CFAP299: variants seen among roughly 807,000 people sequenced by gnomAD.
CFAP299 encodes cilia- and flagella-associated protein 299.
In CFAP299, 21 loss-of-function variants were observed where a neutral mutation model predicts 27.0. That is an observed-to-expected ratio of 0.78 (90% CI 0.55 to 1.12). CFAP299 has a LOEUF of 1.12. CFAP299 is among the 50% of genes most tolerant of loss of function. The pLI, the probability that CFAP299 is intolerant of heterozygous loss-of-function variation, is 0.00. For missense variants in CFAP299, 310 were observed against 276.6 expected (o/e 1.12, Z -0.86); for synonymous variants, 104 against 98.1 (o/e 1.06, Z -0.36).
At chr4:80,957,161 C>A (rs966311555) in intron 5 of CFAP299, among the ~76,000 whole-genome samples, 3 of 152,066 alleles carry the variant, frequency 2.0e-5, no homozygotes, top group African/African-American at 4.8e-5. Flanking sequence ...TTTTCAGTAA[C>A]TTTTTACTGT....
At chr4:80,711,599 G>A (rs79165159) in intron 3 of CFAP299, among the ~76,000 whole-genome samples, 10,475 of 152,156 alleles carry the variant, frequency 0.069, 810 homozygotes, top group African/African-American at 0.18. Context: ...GCTGAGGGAT[G>A]TTGAGTGACT....
intron 3 of CFAP299, among the ~76,000 whole-genome samples, chr4:80,609,153 C>T (rs1411770404): frequency 6.6e-6 from 1 of 151,880 alleles, no homozygotes; most frequent in African/African-American, 2.4e-5. Context: ...TGAGTACTTT[C>T]CTGTGTTCAG....
intron 3 of CFAP299, among the ~76,000 whole-genome samples, chr4:80,860,981 A>AAG (rs1732303209): frequency 6.6e-6 from 1 of 152,194 alleles, no homozygotes; most frequent in African/African-American, 2.4e-5. Flanking sequence ...GGTTACTGCT[A>AAG]TCTTTTTGTT....
chr4:80,408,587 A>C (rs1315816414), intron 2 of CFAP299, among the ~76,000 whole-genome samples: 1 of 151,978 alleles, frequency 6.6e-6, no homozygotes, highest in African/African-American at 2.4e-5. Flanking sequence ...TGTTTTATTT[A>C]AGGTGCCTTT....
At chr4:80,785,350 A>G (rs755904926) in intron 3 of CFAP299, among the ~76,000 whole-genome samples, 1 of 152,092 alleles carries the variant, frequency 6.6e-6, no homozygotes, top group South Asian at 2.1e-4. Context: ...GCCCTTACCA[A>G]TGGTATTTCA....
chr4:80,323,553 G>A, the CFAP299 span, among the ~76,000 whole-genome samples: 3 of 152,062 alleles, frequency 2.0e-5, no homozygotes, highest in African/African-American at 7.2e-5. Context: ...ATTTCTGTTA[G>A]TATCCAAAGA....
chr4:80,811,640 T>C (rs780221735), intron 3 of CFAP299, among the ~76,000 whole-genome samples: 1 of 152,120 alleles, frequency 6.6e-6, no homozygotes, highest in Non-Finnish European at 1.5e-5. Context: ...ATCCTACCAC[T>C]ACCTGGTCAG....
intron 1 of CFAP299, among the ~76,000 whole-genome samples, chr4:80,343,821 AAG>A (rs2109973515): frequency 6.6e-6 from 1 of 150,528 alleles, no homozygotes; most frequent in African/African-American, 2.4e-5. Context: ...AAAAAAAAAA[AAG>A]AACTCAAGAC....
At chr4:80,758,330 T>C (rs1277609572) in intron 3 of CFAP299, among the ~76,000 whole-genome samples, 1 of 152,164 alleles carries the variant, frequency 6.6e-6, no homozygotes, top group Non-Finnish European at 1.5e-5. Flanking sequence ...AAGCTATGCC[T>C]TCAAGCTGTC....
Position 80,335,785 on chromosome 4 carries a change from G to C in CFAP299, c.17G>C (p.Gly6Ala). 6.2e-7 allele frequency: 1 copy of C among 1,612,428 alleles called. No individual in the cohort carries two copies. Among genetic ancestry groups the C allele is most frequent in the Non-Finnish European group, 8.5e-7 (1 of 1,178,452 alleles). Reference protein sequence around the residue: MDQEEGLKALDNIVTQ... With the variant: MDQEEALKALDNIVTQ... ...GATACCGCAATGGATCAGGAAGAGG[G>C]GCTGAAGGCCTTGGACAATATTGTC... The change falls in exon 1 of 6, where the codon GGG becomes GCG. Residue 6 changes from glycine to alanine, a missense_variant. Coordinates refer to ENST00000358105, the MANE Select transcript of CFAP299 (RefSeq NM_152770.3).
intron 2 of CFAP299, among the ~76,000 whole-genome samples, chr4:80,539,332 G>T (rs1027109118): frequency 1.3e-5 from 2 of 152,198 alleles, no homozygotes; most frequent in Non-Finnish European, 2.9e-5. Context: ...AAGGGGACAT[G>T]TCATGCCACA....
At chr4:80,593,425 T>G (rs1736884569) in intron 3 of CFAP299, among the ~76,000 whole-genome samples, 1 of 152,214 alleles carries the variant, frequency 6.6e-6, no homozygotes, top group African/African-American at 2.4e-5. Flanking sequence ...TTTGCAGTGT[T>G]AACTGTTGCA....
rs531124970 is a variant in CFAP299, at chr4:80,805,838, C to T, written c.334-64155C>T. Among the ~76,000 whole-genome samples, 30 of 152,214 alleles carry T rather than the reference C, an allele frequency of 2.0e-4. 2 individuals are homozygous for T. The South Asian group carries it at 6.2e-3, about 32-fold the overall frequency. On this transcript the variant is annotated intron_variant, in intron 3 of 5. Coordinates refer to ENST00000358105, the MANE Select transcript of CFAP299 (RefSeq NM_152770.3). Reference sequence around the variant, plus strand: ...GCGGTGAGCCAACATCGTGCCACTGCACTCCAGCCTGGCTGAGAGAGCGAG... The same window carrying T: ...GCGGTGAGCCAACATCGTGCCACTGTACTCCAGCCTGGCTGAGAGAGCGAG...
intron 4 of CFAP299, among the ~76,000 whole-genome samples, chr4:80,903,388 GT>G (rs1735023998): frequency 6.6e-6 from 1 of 151,788 alleles, no homozygotes; most frequent in Non-Finnish European, 1.5e-5. Context: ...TTCTTTCTCA[GT>G]TACATAAAAG....
intron 3 of CFAP299, among the ~76,000 whole-genome samples, chr4:80,638,300 G>T (rs372014761): frequency 2.6e-4 from 40 of 152,194 alleles, no homozygotes; most frequent in Admixed American, 1.2e-3. Context: ...ATGCCAACGG[G>T]CTCCAATTTG....
chr4:80,884,308 A>G (rs1027368468), intron 4 of CFAP299, among the ~76,000 whole-genome samples: 1 of 152,222 alleles, frequency 6.6e-6, no homozygotes, highest in Non-Finnish European at 1.5e-5. Context: ...AAATTGGATC[A>G]AGTTTCTTGT....
At chr4:80,789,487 A>G (rs1198777962) in intron 3 of CFAP299, among the ~76,000 whole-genome samples, 1 of 152,088 alleles carries the variant, frequency 6.6e-6, no homozygotes, top group Non-Finnish European at 1.5e-5. Flanking sequence ...GTTACCTGAT[A>G]TCAAATTACT....
At chr4:80,718,911 T>C (rs944551276) in intron 3 of CFAP299, among the ~76,000 whole-genome samples, 2 of 151,998 alleles carry the variant, frequency 1.3e-5, no homozygotes, top group African/African-American at 4.8e-5. Context: ...TGATGACAGA[T>C]TGGATAAAGA....
chr4:80,433,510 A>G (rs564406192), intron 2 of CFAP299, among the ~76,000 whole-genome samples: 15 of 152,308 alleles, frequency 9.8e-5, no homozygotes, highest in Admixed American at 9.1e-4. Context: ...TGAATATTTT[A>G]TTCTTCAAAT....
Sources: gnomAD v4.1 joint callset for allele counts (sites outside exome capture counted in the v4.1 genomes callset) on GRCh38, gnomAD v4.1.1 for gene constraint, MANE v1.5 for transcripts, NCBI Gene and HGNC (gene_info 2026-07-23, HGNC 2026-07-21) for gene names.